FMN2: variants seen among roughly 807,000 people sequenced by gnomAD.
FMN2 encodes formin-2.
A neutral mutation model predicts 142.3 loss-of-function variants in FMN2; 51 were observed. The ratio of observed to expected loss-of-function variants is 0.36; its 90% CI spans 0.29 to 0.45. The LOEUF (loss-of-function observed/expected upper bound fraction) is 0.45, where lower values mean the gene tolerates loss of function less well. Ranked by LOEUF, FMN2 falls within the 20% of genes least tolerant of loss-of-function variation. The pLI is 1.00. For synonymous variants in FMN2, 882 were observed against 869.8 expected (o/e 1.01, Z -0.25); for missense variants, 1,936 against 2,122.8 (o/e 0.91, Z 1.73).
chr1:240,124,301 G>A (rs576166215), intron 2 of FMN2, among the ~76,000 whole-genome samples: 3 of 152,268 alleles, frequency 2.0e-5, no homozygotes, highest in South Asian at 2.1e-4. Context: ...CCAGTGGGCC[G>A]GAGGTTTCCA....
intron 6 of FMN2, among the ~76,000 whole-genome samples, chr1:240,247,370 C>T (rs529012097): frequency 1.3e-5 from 2 of 152,052 alleles, no homozygotes; most frequent in East Asian, 3.9e-4. Flanking sequence ...GGCATGGTCC[C>T]GCATGCCTGT....
At chr1:240,340,788 G>C (rs1188933157) in intron 13 of FMN2, among the ~76,000 whole-genome samples, 1 of 151,514 alleles carries the variant, frequency 6.6e-6, no homozygotes, top group Non-Finnish European at 1.5e-5. Flanking sequence ...ATTCATTTTT[G>C]GCTTTCCTTG....
chr1:240,294,549 G>T (rs760981643), intron 7 of FMN2, among the ~76,000 whole-genome samples: 3 of 152,198 alleles, frequency 2.0e-5, no homozygotes, highest in Non-Finnish European at 4.4e-5. Context: ...ATTCAGTTCG[G>T]CTGTGAAAAA....
chr1:240,343,918 A>G (rs1490275106), intron 13 of FMN2, among the ~76,000 whole-genome samples: 2 of 152,074 alleles, frequency 1.3e-5, no homozygotes, highest in Non-Finnish European at 2.9e-5. Flanking sequence ...ATGGAGGAGG[A>G]GAGAGAGAGG....
intron 13 of FMN2, among the ~76,000 whole-genome samples, chr1:240,344,212 T>C (rs1671830682): frequency 6.6e-6 from 1 of 152,158 alleles, no homozygotes; most frequent in Non-Finnish European, 1.5e-5. Flanking sequence ...ACAGAGGAGC[T>C]GGGAAGAGCT....
intron 13 of FMN2, among the ~76,000 whole-genome samples, chr1:240,336,630 G>C (rs1271499240): frequency 7.3e-6 from 1 of 137,682 alleles, no homozygotes; most frequent in Non-Finnish European, 1.5e-5. Context: ...TTTTTTCACA[G>C]AATCTCTGGT....
At chr1:240,189,644 G>A (rs1365081603) in intron 4 of FMN2, among the ~76,000 whole-genome samples, 1 of 152,208 alleles carries the variant, frequency 6.6e-6, no homozygotes, top group Admixed American at 6.5e-5. Context: ...CTATCCTTAA[G>A]GACAGTTCAT....
intron 8 of FMN2, among the ~76,000 whole-genome samples, chr1:240,295,822 T>C (rs1669955317): frequency 6.6e-6 from 1 of 152,204 alleles, no homozygotes; most frequent in Non-Finnish European, 1.5e-5. Flanking sequence ...GTCTTTAATA[T>C]TTTGAGCAAC....
intron 15 of FMN2, among the ~76,000 whole-genome samples, chr1:240,433,816 G>A (rs1027635316): frequency 5.9e-5 from 9 of 152,142 alleles, no homozygotes; most frequent in East Asian, 1.9e-4. Context: ...GTTTTATGTC[G>A]TGAGGAGTTT....
chr1:240,298,662 G>A (rs1320574615), intron 8 of FMN2, among the ~76,000 whole-genome samples: 3 of 152,094 alleles, frequency 2.0e-5, no homozygotes, highest in Admixed American at 6.5e-5. Context: ...GCGTATGCAC[G>A]GGATCTAGGT....
intron 2 of FMN2, chr1:240,144,060 T>C (rs1663317768): frequency 1.1e-5 from 12 of 1,098,538 alleles, no homozygotes; most frequent in Non-Finnish European, 1.7e-5. Flanking sequence ...CCTGACTTAA[T>C]GTAGTCCTCA....
At chr1:240,185,639 C>CT (rs1282564532) in intron 3 of FMN2, among the ~76,000 whole-genome samples, 1 of 152,162 alleles carries the variant, frequency 6.6e-6, no homozygotes, top group Admixed American at 6.5e-5. Flanking sequence ...CAGAAGTTTA[C>CT]TTTTTGGGTC....
Position 240,334,166 on chromosome 1 carries a change from G to C in FMN2, c.4702G>C (p.Ala1568Pro). ...GCCAGAACCCCAGGACCTTTTTCAG[G>C]CCTCACAGATGAAGTTTGAAGATTT... is the stretch of plus-strand genomic sequence containing the variant. ...PLPEPQDLFQASQMKFEDFQK... is the reference protein window; with the variant it reads ...PLPEPQDLFQPSQMKFEDFQK... The change falls in exon 13 of 18, where the codon GCC (alanine) becomes CCC (proline). Residue 1568 changes from alanine to proline, a missense_variant. Ala to Pro is a conservative substitution (Grantham distance 27). Transcript: ENST00000319653. The C allele has an allele frequency of 6.2e-7, 1 of 1,608,906 alleles. No individual in the cohort carries two copies. The highest frequency in any genetic ancestry group is 8.5e-7 in the Non-Finnish European group (1 of 1,178,614).
chr1:240,228,519 A>G, intron 6 of FMN2, among the ~76,000 whole-genome samples: 1 of 151,978 alleles, frequency 6.6e-6, no homozygotes, highest in Non-Finnish European at 1.5e-5. Flanking sequence ...GCTATAATCA[A>G]AGAGAAAGGC....
intron 6 of FMN2, among the ~76,000 whole-genome samples, chr1:240,218,385 A>G (rs538635060): frequency 6.6e-6 from 1 of 151,670 alleles, no homozygotes; most frequent in Admixed American, 6.6e-5. Flanking sequence ...ATTCATAGGA[A>G]TTGAAGAAAG....
intron 16 of FMN2, among the ~76,000 whole-genome samples, chr1:240,471,025 A>G (rs1449005436): frequency 6.6e-6 from 1 of 152,198 alleles, no homozygotes; most frequent in African/African-American, 2.4e-5. Flanking sequence ...GTGAGGGAAT[A>G]GGGAGGTTCA....
Position 240,092,721 on chromosome 1 carries a change from C to CCAG in FMN2, c.613_614insAGC (p.Arg204_Leu205insGln). On this transcript the variant is annotated inframe_insertion, in exon 1 of 18. Transcript: ENST00000319653. ...TTTCAGACATCCAGCAGGCGATCCG[C>CCAG]CTGCAGCAGCAGCAGCAGCAGCAGC... 1 of 1,613,240 alleles carries CCAG rather than the reference C, an allele frequency of 6.2e-7. No individual in the cohort carries two copies. Among genetic ancestry groups the CCAG allele is most frequent in the South Asian group, 1.1e-5 (1 of 91,062 alleles).
chr1:240,203,268 AG>A (rs34532254), intron 4 of FMN2, among the ~76,000 whole-genome samples: 2 of 151,582 alleles, frequency 1.3e-5, no homozygotes, highest in African/African-American at 4.9e-5. Flanking sequence ...TCCTAGACCT[AG>A]GAACAGAAAT....
chr1:240,256,492 A>C (rs1668453291), intron 6 of FMN2, among the ~76,000 whole-genome samples: 1 of 150,952 alleles, frequency 6.6e-6, no homozygotes, highest in East Asian at 2.0e-4. Flanking sequence ...TTATTTCAAC[A>C]CTTTGGGAGG....
Sources: allele counts gnomAD v4.1 joint callset (sites outside exome capture counted in the v4.1 genomes callset), GRCh38; gene constraint gnomAD v4.1.1; transcripts MANE v1.5; gene names NCBI Gene and HGNC (gene_info 2026-07-23, HGNC 2026-07-21).